Variants in PDGFD observed in about 807,000 individuals in gnomAD.
PDGFD encodes platelet-derived growth factor D.
Under a neutral mutation model 44.7 loss-of-function variants are expected in PDGFD, and 30 were observed. The ratio of observed to expected loss-of-function variants is 0.67; its 90% CI spans 0.50 to 0.91. The LOEUF is 0.91. Ranked by LOEUF, PDGFD falls within the 40% of genes least tolerant of loss-of-function variation. PDGFD has a pLI of 0.00. For missense variants in PDGFD, 445 were observed against 457.8 expected, an observed-to-expected ratio of 0.97 and a Z score of 0.25; for synonymous variants, 173 against 168.4, an observed-to-expected ratio of 1.03 and a Z score of -0.21.
At chr11:103,931,456 G>A (rs1858397267) in intron 5 of PDGFD, among the ~76,000 whole-genome samples, 1 of 152,222 alleles carries the variant, frequency 6.6e-6, no homozygotes, top group Non-Finnish European at 1.5e-5. Context: ...CTTTCACTGT[G>A]CTGGCCATTC....
At position 104,139,765 on chromosome 11, in the gene PDGFD, C is replaced by T. The variant is rs550000245; in HGVS notation, c.124+24039G>A. 4.1e-4 allele frequency among the ~76,000 whole-genome samples: 8 copies of T among 19,354 alleles called. 1 individual carries two copies. The South Asian group carries it at 4.4e-3, about 11-fold the overall frequency. The allele number at this position is 19,354 out of a possible 152,430, so 12.7% of individuals were successfully genotyped here. A position where few individuals can be genotyped will look rare whatever the true frequency, so the allele number is the denominator to read the frequency against. The stretch of plus-strand genomic sequence containing the variant: ...TGTCTTAATAAATAACGGCCGGGCG[C>T]GGTGGCTCACGCCTGTAATCCCAGC... On this transcript the variant is annotated intron_variant, in intron 1 of 6. Coordinates refer to ENST00000393158, the MANE Select transcript of PDGFD (RefSeq NM_025208.5).
At chr11:104,114,804 C>G (rs1302784377) in intron 1 of PDGFD, among the ~76,000 whole-genome samples, 1 of 151,552 alleles carries the variant, frequency 6.6e-6, no homozygotes, top group African/African-American at 2.4e-5. Flanking sequence ...CATATAGACC[C>G]CGTACATATT....
At chr11:104,068,322 AG>A (rs914887091) in intron 1 of PDGFD, among the ~76,000 whole-genome samples, 1 of 152,208 alleles carries the variant, frequency 6.6e-6, no homozygotes, top group Non-Finnish European at 1.5e-5. Flanking sequence ...AGGAGGAAGC[AG>A]GCACATACAT....
chr11:104,066,004 T>C (rs182269566), intron 1 of PDGFD, among the ~76,000 whole-genome samples: 14 of 152,342 alleles, frequency 9.2e-5, no homozygotes, highest in Non-Finnish European at 1.5e-4. Flanking sequence ...AACTAAAATA[T>C]TTTAATTTTT....
Position 103,908,017 on chromosome 11 carries a change from C to T in PDGFD, c.*1677G>A, listed in dbSNP as rs1391703287. 6.6e-6 allele frequency: 1 copy of T among 152,140 alleles called. No individual in the cohort carries two copies. The highest frequency in any genetic ancestry group is 1.5e-5 in the Non-Finnish European group (1 of 68,034). The allele number at this position is 152,140 out of a possible 1,614,324, so 9.4% of individuals were successfully genotyped here. A position where few individuals can be genotyped will look rare whatever the true frequency, so the allele number is the denominator to read the frequency against. ...TGCTTAAGAATAGTTGAACTTGGAC[C>T]TGAGAGCACCATACTTAGAAATCTA... On this transcript the variant is annotated 3_prime_UTR_variant, in exon 7 of 7. Coordinates refer to ENST00000393158, the MANE Select transcript of PDGFD (RefSeq NM_025208.5).
At chr11:104,162,796 C>T (rs866143547) in intron 1 of PDGFD, among the ~76,000 whole-genome samples, 3 of 152,080 alleles carry the variant, frequency 2.0e-5, no homozygotes, top group Non-Finnish European at 4.4e-5. Flanking sequence ...GTGAAGCCAT[C>T]AACAATTGCT....
At chr11:104,054,062 C>A (rs960142355) in intron 1 of PDGFD, among the ~76,000 whole-genome samples, 1 of 152,182 alleles carries the variant, frequency 6.6e-6, no homozygotes, top group African/African-American at 2.4e-5. Flanking sequence ...CATTCCAGCA[C>A]AACACCATGA....
Position 103,909,455 on chromosome 11 carries a change from T to C in PDGFD, c.*239A>G. On this transcript the variant is annotated 3_prime_UTR_variant, in exon 7 of 7. Coordinates refer to ENST00000393158, the MANE Select transcript of PDGFD (RefSeq NM_025208.5). ...ATATATTTCTGTGTGTGTTTGTGCA[T>C]ATATAACCTCAAACACTATTATTAA... is the stretch of plus-strand genomic sequence containing the variant. 2.1e-6 allele frequency: 1 copy of C among 473,086 alleles called. No individual in the cohort carries two copies. The highest frequency in any genetic ancestry group is 3.6e-5 in the East Asian group (1 of 27,926). The allele number at this position is 473,086 out of a possible 1,614,324, so 29.3% of individuals were successfully genotyped here. A position where few individuals can be genotyped will look rare whatever the true frequency, so the allele number is the denominator to read the frequency against.
intron 1 of PDGFD, among the ~76,000 whole-genome samples, chr11:104,032,536 G>C (rs893381420): frequency 6.6e-6 from 1 of 151,810 alleles, no homozygotes; most frequent in Non-Finnish European, 1.5e-5. Flanking sequence ...CATTTATGTA[G>C]GTATTCTATT....
intron 1 of PDGFD, among the ~76,000 whole-genome samples, chr11:104,076,992 A>G (rs1860968787): frequency 1.3e-5 from 2 of 152,188 alleles, no homozygotes; most frequent in African/African-American, 2.4e-5. Context: ...TATAACATAC[A>G]ATATATGTGT....
At chr11:104,140,521 T>A (rs1862070245) in intron 1 of PDGFD, among the ~76,000 whole-genome samples, 1 of 148,042 alleles carries the variant, frequency 6.8e-6, no homozygotes, top group African/African-American at 2.6e-5. Context: ...AATGTTCTTT[T>A]TTTCTTTCAC....
intron 1 of PDGFD, among the ~76,000 whole-genome samples, chr11:104,158,484 T>C (rs148477245): frequency 1.2e-3 from 189 of 152,374 alleles, no homozygotes; most frequent in African/African-American, 4.0e-3. Context: ...ATTCATATTG[T>C]GCCAGATGCT....
chr11:104,119,016 T>TCGATATAA (rs372862621), intron 1 of PDGFD, among the ~76,000 whole-genome samples: 1 of 4,002 alleles, frequency 2.5e-4, no homozygotes, highest in African/African-American at 8.1e-4. Flanking sequence ...ATATAATATA[T>TCGATATAA]TATATAATAT....
intron 3 of PDGFD, among the ~76,000 whole-genome samples, chr11:103,956,317 G>GT (rs1858847127): frequency 6.6e-6 from 1 of 151,240 alleles, no homozygotes; most frequent in South Asian, 2.1e-4. Flanking sequence ...GCGGTGTTTG[G>GT]TTTTTTGTCT....
chr11:104,074,439 ATGT>A (rs1860925168), intron 1 of PDGFD, among the ~76,000 whole-genome samples: 1 of 152,176 alleles, frequency 6.6e-6, no homozygotes, highest in Admixed American at 6.5e-5. Context: ...GATATCTAAA[ATGT>A]TGTGCTATTT....
chr11:104,083,557 C>T (rs1291424218), intron 1 of PDGFD, among the ~76,000 whole-genome samples: 1 of 152,118 alleles, frequency 6.6e-6, no homozygotes, highest in Non-Finnish European at 1.5e-5. Flanking sequence ...ACTAATTGCA[C>T]AGAAAATGTC....
chr11:104,058,551 G>A (rs578066376), intron 1 of PDGFD, among the ~76,000 whole-genome samples: 1 of 152,308 alleles, frequency 6.6e-6, no homozygotes, highest in South Asian at 2.1e-4. Context: ...TATTGTTGAT[G>A]GGAATGCACA....
chr11:104,116,038 T>A (rs1861632294), intron 1 of PDGFD, among the ~76,000 whole-genome samples: 1 of 152,088 alleles, frequency 6.6e-6, no homozygotes, highest in Admixed American at 6.6e-5. Context: ...TTAGTTTAAT[T>A]AAGTCCCAGC....
chr11:103,946,799 T>C (rs1591088753), intron 4 of PDGFD, among the ~76,000 whole-genome samples: 1 of 152,308 alleles, frequency 6.6e-6, no homozygotes, highest in East Asian at 1.9e-4. Context: ...TAGTCCAGCA[T>C]CCATACCAGG....
Sources: gnomAD v4.1 joint callset for allele counts (sites outside exome capture counted in the v4.1 genomes callset) on GRCh38, gnomAD v4.1.1 for gene constraint, MANE v1.5 for transcripts, NCBI Gene and HGNC (gene_info 2026-07-23, HGNC 2026-07-21) for gene names.